The following SGCG variants were observed in gnomAD, a reference collection of about 807,000 sequenced individuals.
SGCG encodes the protein gamma-sarcoglycan.
A neutral mutation model predicts 29.3 loss-of-function variants in SGCG; 26 were observed. The observed-to-expected ratio is 0.89, with a 90% CI of 0.65 to 1.23. The LOEUF is 1.23. Ranked by LOEUF, SGCG falls within the 50% of genes most tolerant of loss-of-function variation. The pLI is 0.00. For synonymous variants in SGCG, 145 were observed against 129.7 expected (o/e 1.12, Z -0.80); for missense variants, 353 against 356.0 (o/e 0.99, Z 0.07).
intron 2 of SGCG, among the ~76,000 whole-genome samples, chr13:23,221,680 AG>A (rs1205938876): frequency 1.3e-5 from 2 of 152,012 alleles, no homozygotes; most frequent in Non-Finnish European, 2.9e-5. Flanking sequence ...AAACCTTTGT[AG>A]GGATCCTATG....
chr13:23,200,323 C>T (rs950828429), intron 1 of SGCG, among the ~76,000 whole-genome samples: 6 of 148,028 alleles, frequency 4.1e-5, no homozygotes, highest in Admixed American at 1.4e-4. Flanking sequence ...CTTGGGAGAC[C>T]GAGGCAGGAG....
At chr13:23,165,553 C>G in the SGCG span, among the ~76,000 whole-genome samples, 22 of 148,342 alleles carry the variant, frequency 1.5e-4, no homozygotes, top group East Asian at 4.4e-3. Context: ...GAGACAGAGT[C>G]TCACTCTGTT....
chr13:23,191,735 G>T, intron 1 of SGCG, among the ~76,000 whole-genome samples: 1 of 152,180 alleles, frequency 6.6e-6, no homozygotes, highest in Non-Finnish European at 1.5e-5. Context: ...ATGCTTTTCA[G>T]ATACTAATCT....
intron 2 of SGCG, among the ~76,000 whole-genome samples, chr13:23,213,833 A>C (rs911893007): frequency 2.0e-5 from 3 of 152,116 alleles, no homozygotes; most frequent in African/African-American, 7.2e-5. Flanking sequence ...AGGCAGCTGC[A>C]TGCAGCCACC....
intron 6 of SGCG, among the ~76,000 whole-genome samples, chr13:23,310,354 G>T (rs1159115305): frequency 6.6e-6 from 1 of 151,972 alleles, no homozygotes; most frequent in Non-Finnish European, 1.5e-5. Flanking sequence ...CCAAAGTGCT[G>T]GGATTACAGG....
In SGCG at chr13:23,270,813, T is replaced by C. The variant is rs114146029; in HGVS notation, c.386-8546T>C. ...ATGTTTTCCTGTAGTGTTTGTATGA[T>C]TTCACTTTTTAACACTTAGTTCCCT... On this transcript the variant is annotated intron_variant, in intron 4 of 7. Transcript: ENST00000218867. Among the ~76,000 whole-genome samples the C allele has an allele frequency of 7.6e-3, 1,152 of 152,360 alleles. 17 individuals are homozygous for C. The highest frequency in any genetic ancestry group is 0.026 in the African/African-American group (1,065 of 41,574).
chr13:23,319,979 T>C (rs890082302), intron 6 of SGCG, among the ~76,000 whole-genome samples: 1 of 152,212 alleles, frequency 6.6e-6, no homozygotes, highest in Non-Finnish European at 1.5e-5. Flanking sequence ...CCTCCCTCCT[T>C]TCGGTTCTAT....
upstream of SGCG, among the ~76,000 whole-genome samples, chr13:23,178,895 G>A (rs1253070911): frequency 1.3e-5 from 2 of 152,156 alleles, no homozygotes; most frequent in Admixed American, 6.5e-5. Context: ...GTGTCAGGAA[G>A]AAAGGTCAGC....
chr13:23,322,210 T>C lies in SGCG; in HGVS notation c.702+1450T>C, dbSNP rs1883063623. On this transcript the variant is annotated intron_variant, in intron 7 of 7. Transcript: ENST00000218867. ...TGGGTTGTGTTCACTCATGCCACCA[T>C]TGCCTGACAGACCCTGTGGAATCCA... Among the ~76,000 whole-genome samples the C allele has an allele frequency of 2.6e-5, 4 of 152,282 alleles. No homozygotes were observed. The South Asian group carries it at 8.3e-4, about 32-fold the overall frequency.
At chr13:23,204,722 T>C (rs1877918543) in intron 2 of SGCG, among the ~76,000 whole-genome samples, 1 of 149,542 alleles carries the variant, frequency 6.7e-6, no homozygotes, top group Non-Finnish European at 1.5e-5. Flanking sequence ...TTTTTTTTTT[T>C]TGAGACGGAG....
At chr13:23,253,398 T>G (rs1288288195) in intron 4 of SGCG, among the ~76,000 whole-genome samples, 3 of 152,206 alleles carry the variant, frequency 2.0e-5, no homozygotes, top group Non-Finnish European at 4.4e-5. Context: ...TCTGTTATAT[T>G]GAGAACCTTG....
At chr13:23,223,906 C>T (rs1029952772) in intron 2 of SGCG, among the ~76,000 whole-genome samples, 1 of 152,102 alleles carries the variant, frequency 6.6e-6, no homozygotes, top group Non-Finnish European at 1.5e-5. Flanking sequence ...GTGGAGGTTG[C>T]AGTGAGCTGA....
Position 23,319,661 on chromosome 13 carries a change from C to G in SGCG, c.579-976C>G, listed in dbSNP as rs1297342048. Among the ~76,000 whole-genome samples the G allele has an allele frequency of 2.0e-5, 3 of 152,188 alleles. No homozygotes were observed. In the South Asian group the frequency reaches 6.2e-4, roughly 32 times the overall value. Reference sequence around the variant, plus strand: ...CCCTTTCTCTCTGCTCCCTGCCCCTCTCCTCCCATGAAACCCTAGCCTACA... The same window carrying G: ...CCCTTTCTCTCTGCTCCCTGCCCCTGTCCTCCCATGAAACCCTAGCCTACA... On this transcript the variant is annotated intron_variant, in intron 6 of 7. Transcript: ENST00000218867.
chr13:23,278,868 G>C (rs1032482771), intron 4 of SGCG, among the ~76,000 whole-genome samples: 3 of 152,194 alleles, frequency 2.0e-5, no homozygotes, highest in Non-Finnish European at 4.4e-5. Flanking sequence ...TTTTCCCCGT[G>C]GGGTAAGGGG....
intron 1 of SGCG, among the ~76,000 whole-genome samples, chr13:23,184,685 C>T (rs1007666113): frequency 1.3e-5 from 2 of 152,174 alleles, no homozygotes; most frequent in Admixed American, 6.5e-5. Context: ...AATTCTCTCT[C>T]TCTCCCTGTC....
intron 6 of SGCG, among the ~76,000 whole-genome samples, chr13:23,313,157 TTTC>T (rs1426380159): frequency 7.5e-5 from 10 of 134,212 alleles, no homozygotes; most frequent in Admixed American, 6.3e-4. Flanking sequence ...TTCAGTAAGT[TTTC>T]TTCTTCTTCT....
chr13:23,215,838 A>G (rs1245029915), intron 2 of SGCG, among the ~76,000 whole-genome samples: 3 of 152,038 alleles, frequency 2.0e-5, no homozygotes, highest in Non-Finnish European at 4.4e-5. Flanking sequence ...TATTTTGTGG[A>G]TAGTAGCCAT....
At chr13:23,269,478 C>T (rs1197361858) in intron 4 of SGCG, among the ~76,000 whole-genome samples, 1 of 152,164 alleles carries the variant, frequency 6.6e-6, no homozygotes, top group African/African-American at 2.4e-5. Flanking sequence ...CCCTTCCTAC[C>T]TCTTGCTCAC....
intron 1 of SGCG, among the ~76,000 whole-genome samples, chr13:23,198,138 T>C (rs1877585672): frequency 6.6e-6 from 1 of 152,248 alleles, no homozygotes; most frequent in African/African-American, 2.4e-5. Flanking sequence ...GAATTAAATG[T>C]CATTTCTAAA....
Sources: allele counts gnomAD v4.1 joint callset (sites outside exome capture counted in the v4.1 genomes callset), GRCh38; gene constraint gnomAD v4.1.1; transcripts MANE v1.5; gene names NCBI Gene and HGNC (gene_info 2026-07-23, HGNC 2026-07-21).